The following CADPS2 variants were observed in gnomAD, a reference collection of about 807,000 sequenced individuals.
The protein encoded by CADPS2 is calcium dependent secretion activator 2.
Under a neutral mutation model 172.5 loss-of-function variants are expected in CADPS2, and 93 were observed. The observed-to-expected ratio is 0.54, with a 90% CI of 0.46 to 0.64. The LOEUF (loss-of-function observed/expected upper bound fraction) is 0.64. Among genes scored for constraint, CADPS2 ranks in the 30% least tolerant of loss-of-function variants. The pLI is 0.00. For synonymous variants in CADPS2, 546 were observed against 555.2 expected (o/e 0.98, Z 0.23); for missense variants, 1,420 against 1,565.9 (o/e 0.91, Z 1.57).
In CADPS2 at chr7:122,318,687, T is replaced by C. The variant is rs1414845801; in HGVS notation, c.*1478A>G. 6.6e-6 allele frequency: 1 copy of C among 152,222 alleles called. No homozygotes were observed. The highest frequency in any genetic ancestry group is 1.5e-5 in the Non-Finnish European group (1 of 68,038). 9.4% of individuals were successfully genotyped at this position (152,222 alleles called of 1,614,324 possible). A position where few individuals can be genotyped will look rare whatever the true frequency, so the allele number is the denominator to read the frequency against. On this transcript the variant is annotated 3_prime_UTR_variant, in exon 30 of 30. Coordinates refer to ENST00000449022, the MANE Select transcript of CADPS2 (RefSeq NM_017954.11). ...TTAATCCCGGAAGAAGGAAGAAATT[T>C]CCTTGTTTGTTATCTTAGCCCTAGG...
chr7:122,680,751 C>A (rs2082933467), intron 2 of CADPS2, among the ~76,000 whole-genome samples: 1 of 152,058 alleles, frequency 6.6e-6, no homozygotes, highest in African/African-American at 2.4e-5. Flanking sequence ...ACTAGAAATA[C>A]CATTTGACCC....
intron 2 of CADPS2, among the ~76,000 whole-genome samples, chr7:122,663,855 T>C (rs894900029): frequency 2.0e-5 from 3 of 152,142 alleles, no homozygotes; most frequent in Non-Finnish European, 4.4e-5. Flanking sequence ...CGAAATCCTT[T>C]AGAGTGATGT....
intron 1 of CADPS2, among the ~76,000 whole-genome samples, chr7:122,819,149 A>G (rs984603756): frequency 6.6e-6 from 1 of 152,232 alleles, no homozygotes; most frequent in Non-Finnish European, 1.5e-5. Context: ...GAACTGCAGC[A>G]GCCAGGCATT....
intron 25 of CADPS2, among the ~76,000 whole-genome samples, chr7:122,377,184 C>T (rs957694565): frequency 6.6e-6 from 1 of 152,122 alleles, no homozygotes; most frequent in Non-Finnish European, 1.5e-5. Flanking sequence ...CTCAGCTTCA[C>T]TAGCCACATT....
At chr7:122,632,356 C>A (rs563235070) in intron 3 of CADPS2, among the ~76,000 whole-genome samples, 112 of 152,274 alleles carry the variant, frequency 7.4e-4, no homozygotes, top group African/African-American at 2.4e-3. Flanking sequence ...TCTGCAGCCT[C>A]ACCAACATCT....
chr7:122,702,169 T>C (rs776810422), intron 2 of CADPS2: 46 of 1,613,590 alleles, frequency 2.9e-5, no homozygotes, highest in South Asian at 8.8e-5. Flanking sequence ...GGAAGGTAAA[T>C]AGATACATGA....
intron 15 of CADPS2, among the ~76,000 whole-genome samples, chr7:122,443,744 A>G (rs1459317396): frequency 6.9e-6 from 1 of 145,808 alleles, no homozygotes; most frequent in Non-Finnish European, 1.5e-5. Flanking sequence ...AATGCTGTCA[A>G]CTTTTAGCTG....
Position 122,550,522 on chromosome 7 carries a change from A to G in CADPS2, c.1475+4028T>C, listed in dbSNP as rs536656853. On this transcript the variant is annotated intron_variant, in intron 8 of 29. Coordinates refer to ENST00000449022, the MANE Select transcript of CADPS2 (RefSeq NM_017954.11). Reference sequence around the variant, plus strand: ...GATCATGGTCATAATGCTTCCACATATTTGTGAAAGCCAATTTTCTCTTTT... The same window carrying G: ...GATCATGGTCATAATGCTTCCACATGTTTGTGAAAGCCAATTTTCTCTTTT... Among the ~76,000 whole-genome samples the G allele has an allele frequency of 1.1e-3, 164 of 152,312 alleles. No individual in the cohort carries two copies. In the Middle Eastern group the frequency reaches 0.014, roughly 13 times the overall value.
chr7:122,816,675 T>A (rs1584579099), intron 1 of CADPS2, among the ~76,000 whole-genome samples: 1 of 152,346 alleles, frequency 6.6e-6, no homozygotes, highest in East Asian at 1.9e-4. Flanking sequence ...TTCCCCTTTC[T>A]CCATGTCTTC....
intron 1 of CADPS2, among the ~76,000 whole-genome samples, chr7:122,827,017 T>G (rs561902166): frequency 6.6e-6 from 1 of 151,956 alleles, no homozygotes; most frequent in Non-Finnish European, 1.5e-5. Context: ...AAACAACTGG[T>G]AAACCTCCAG....
chr7:122,658,126 G>A (rs1262688090), intron 3 of CADPS2, among the ~76,000 whole-genome samples: 1 of 152,126 alleles, frequency 6.6e-6, no homozygotes, highest in Non-Finnish European at 1.5e-5. Flanking sequence ...GCAGCCAACA[G>A]ACATATGAAA....
chr7:122,661,969 G>A (rs972695666), intron 3 of CADPS2, among the ~76,000 whole-genome samples: 5 of 152,094 alleles, frequency 3.3e-5, no homozygotes, highest in Non-Finnish European at 7.4e-5. Context: ...ATAACTACCT[G>A]GTTTAATAAA....
intron 1 of CADPS2, among the ~76,000 whole-genome samples, chr7:122,868,393 CAAA>C (rs1410417517): frequency 1.3e-5 from 2 of 152,188 alleles, no homozygotes; most frequent in East Asian, 3.9e-4. Flanking sequence ...CTCCACTTCT[CAAA>C]GAAGGAACAG....
intron 29 of CADPS2, among the ~76,000 whole-genome samples, chr7:122,322,136 T>A (rs1056822662): frequency 6.6e-6 from 1 of 152,246 alleles, no homozygotes; most frequent in Non-Finnish European, 1.5e-5. Flanking sequence ...TCTCTTGTAA[T>A]TAAACATGTC....
rs144091241 is a variant in CADPS2, at chr7:122,537,394, TGAA to T, written c.1475+17153_1475+17155del. On this transcript the variant is annotated intron_variant, in intron 8 of 29. Transcript: ENST00000449022. ...AAAATTATAAAGTGTAATGCTATGA[TGAA>T]GAAGATTCTTTCTTATGCTAATAGA... 1.0e-3 allele frequency among the ~76,000 whole-genome samples: 152 copies of T among 151,734 alleles called. 3 individuals are homozygous for T. The East Asian group carries it at 0.026, about 26-fold the overall frequency.
intron 8 of CADPS2, among the ~76,000 whole-genome samples, chr7:122,537,215 C>T (rs945591369): frequency 1.6e-4 from 24 of 149,216 alleles, no homozygotes; most frequent in Non-Finnish European, 3.1e-4. Flanking sequence ...AACTATTTAT[C>T]AAAGAAGTAT....
intron 15 of CADPS2, among the ~76,000 whole-genome samples, chr7:122,446,109 C>A (rs1460385354): frequency 1.3e-5 from 2 of 152,142 alleles, no homozygotes; most frequent in Non-Finnish European, 2.9e-5. Flanking sequence ...GTAGGTCTAC[C>A]ATCCATGCCC....
At chr7:122,337,035 A>G (rs2035957369) in intron 28 of CADPS2, among the ~76,000 whole-genome samples, 1 of 152,194 alleles carries the variant, frequency 6.6e-6, no homozygotes, top group Non-Finnish European at 1.5e-5. Context: ...ACAGCTAATT[A>G]GTGTTCTGGC....
intron 2 of CADPS2, among the ~76,000 whole-genome samples, chr7:122,711,713 C>A (rs532008587): frequency 5.9e-5 from 9 of 152,190 alleles, no homozygotes; most frequent in African/African-American, 1.9e-4. Context: ...AGTACAGTAG[C>A]GTGATCTTGG....
Sources: allele counts gnomAD v4.1 joint callset (sites outside exome capture counted in the v4.1 genomes callset), GRCh38; gene constraint gnomAD v4.1.1; transcripts MANE v1.5; gene names NCBI Gene and HGNC (gene_info 2026-07-23, HGNC 2026-07-21).